Variants in SPMAP2 observed in about 807,000 individuals in gnomAD.
SPMAP2 encodes sperm microtubule associated protein 2.
At chr19:367,508 G>T in the SPMAP2 span, among the ~76,000 whole-genome samples, 4 of 152,144 alleles carry the variant, frequency 2.6e-5, no homozygotes, top group African/African-American at 9.7e-5. Flanking sequence ...ACAATTGTTG[G>T]CAAATGTAAA....
the SPMAP2 span, chr19:371,434 C>A: frequency 2.0e-6 from 1 of 504,108 alleles, no homozygotes. Context: ...CCCAGCTCCT[C>A]CATATGTGTC....
the SPMAP2 span, among the ~76,000 whole-genome samples, chr19:367,418 C>A: frequency 6.6e-6 from 1 of 152,236 alleles, no homozygotes; most frequent in Non-Finnish European, 1.5e-5. Context: ...ACCAAAAAAA[C>A]CCCAAAAGGG....
the SPMAP2 span, chr19:374,234 C>A: frequency 6.3e-7 from 1 of 1,592,918 alleles, no homozygotes. Flanking sequence ...AGGAGGAGCC[C>A]GGGAAGGGTG....
At chr19:362,958 G>T in the SPMAP2 span, among the ~76,000 whole-genome samples, 1 of 152,038 alleles carries the variant, frequency 6.6e-6, no homozygotes, top group African/African-American at 2.4e-5. Context: ...CCAGAGACAC[G>T]AAAGGACACA....
At chr19:374,594 T>G in the SPMAP2 span, 1 of 833,984 alleles carries the variant, frequency 1.2e-6, no homozygotes. Context: ...CACGAAGGCC[T>G]GGACCAACCG....
At chr19:372,561 G>C in the SPMAP2 span, 1 of 1,508,990 alleles carries the variant, frequency 6.6e-7, no homozygotes, top group Admixed American at 1.7e-5. Context: ...ACAGCATCCT[G>C]TCAGGCGAGA....
At chr19:369,064 T>A in the SPMAP2 span, among the ~76,000 whole-genome samples, 1 of 152,276 alleles carries the variant, frequency 6.6e-6, no homozygotes, top group South Asian at 2.1e-4. Flanking sequence ...GGTTCGTGTT[T>A]TAAAATGTCC....
the SPMAP2 span, chr19:372,745 C>G: frequency 6.3e-7 from 1 of 1,584,910 alleles, no homozygotes; most frequent in Non-Finnish European, 8.7e-7. Context: ...AGTGTCAACA[C>G]CCTGCAGTTC....
At chr19:372,979 G>A in the SPMAP2 span, among the ~76,000 whole-genome samples, 1 of 152,170 alleles carries the variant, frequency 6.6e-6, no homozygotes, top group East Asian at 1.9e-4. Flanking sequence ...GCTCCTCAAC[G>A]GGGCTCAATA....
At chr19:375,875 G>T in the SPMAP2 span, 1 of 1,575,410 alleles carries the variant, frequency 6.3e-7, no homozygotes. Flanking sequence ...CAGAGCTCTG[G>T]AGGCCACGGG....
At chr19:365,020 C>G in the SPMAP2 span, among the ~76,000 whole-genome samples, 1 of 152,224 alleles carries the variant, frequency 6.6e-6, no homozygotes, top group African/African-American at 2.4e-5. Context: ...TGAAGAGGCT[C>G]CTGGGGAAAA....
At chr19:362,796 C>A in the SPMAP2 span, among the ~76,000 whole-genome samples, 1 of 147,152 alleles carries the variant, frequency 6.8e-6, no homozygotes, top group Admixed American at 6.7e-5. Context: ...AAAAAAGCTC[C>A]CCCATTCAAA....
At chr19:361,917 A>T in the SPMAP2 span, 2 of 241,856 alleles carry the variant, frequency 8.3e-6, no homozygotes, top group Non-Finnish European at 1.6e-5. Flanking sequence ...GGCTGGTTTG[A>T]CTGTGGCTGT....
the SPMAP2 span, chr19:375,748 G>A: frequency 1.2e-6 from 2 of 1,609,902 alleles, no homozygotes; most frequent in East Asian, 2.2e-5. Context: ...AGGGTCTCCG[G>A]GAACTCCTCC....
chr19:371,165 G>C, the SPMAP2 span: 1 of 1,249,862 alleles, frequency 8.0e-7, no homozygotes, highest in Non-Finnish European at 1.1e-6. Context: ...GTCCCAGCCC[G>C]CCTGGCGGGG....
At chr19:367,297 C>A in the SPMAP2 span, 1 of 1,418,908 alleles carries the variant, frequency 7.0e-7, no homozygotes, top group Admixed American at 2.6e-5. Flanking sequence ...AGCTGAAGGA[C>A]CCCAGGAGCA....
chr19:376,023 G>C, the SPMAP2 span: 1 of 1,368,050 alleles, frequency 7.3e-7, no homozygotes, highest in Non-Finnish European at 9.4e-7. Context: ...ACCCAAATGT[G>C]TCTGTGGTGG....
the SPMAP2 span, chr19:374,030 C>T: frequency 8.8e-5 from 141 of 1,610,978 alleles, 1 homozygote; most frequent in Admixed American, 1.7e-4. Context: ...AGACAGGGTC[C>T]GAGCCCCACT....
chr19:372,250 TAAGA>T, the SPMAP2 span, among the ~76,000 whole-genome samples: 1 of 152,350 alleles, frequency 6.6e-6, no homozygotes, highest in South Asian at 2.1e-4. Flanking sequence ...CTGTAAGTGG[TAAGA>T]AAGAATTTTG....
Sources: allele counts gnomAD v4.1 joint callset (sites outside exome capture counted in the v4.1 genomes callset), GRCh38; gene constraint gnomAD v4.1.1; transcripts MANE v1.5; gene names NCBI Gene and HGNC (gene_info 2026-07-23, HGNC 2026-07-21).